ZFHX3: variants seen among roughly 807,000 people sequenced by gnomAD.
ZFHX3 encodes zinc finger homeobox protein 3.
ZFHX3 carries 42 observed loss-of-function variants against 279.1 expected under a neutral mutation model. That is an observed-to-expected ratio of 0.15 (90% confidence interval 0.12 to 0.19). ZFHX3 has a LOEUF of 0.19. Ranked by LOEUF, ZFHX3 falls within the 10% of genes least tolerant of loss-of-function variation. The probability of loss-of-function intolerance (pLI) is 1.00; values close to 1 mark genes in which losing one functional copy is unlikely to be tolerated. For synonymous variants in ZFHX3, 2,293 were observed against 1,957.8 expected, an observed-to-expected ratio of 1.17 and a Z score of -4.52; for missense variants, 4,981 against 4,754.0, an observed-to-expected ratio of 1.05 and a Z score of -1.40.
At chr16:73,387,500 GGTTTTTTT>G (rs935226614) in intron 3 of ZFHX3, among the ~76,000 whole-genome samples, 6 of 152,018 alleles carry the variant, frequency 3.9e-5, no homozygotes, top group East Asian at 1.9e-4. Context: ...TCTGTGGCAG[GGTTTTTTT>G]GTTTTTTTGT....
intron 4 of ZFHX3, among the ~76,000 whole-genome samples, chr16:73,316,142 A>T (rs1412281831): frequency 6.6e-6 from 1 of 152,214 alleles, no homozygotes; most frequent in African/African-American, 2.4e-5. Context: ...TTCTAGTCTA[A>T]CCCAAACCTC....
chr16:73,439,415 G>A (rs545011577), intron 3 of ZFHX3, among the ~76,000 whole-genome samples: 6 of 152,000 alleles, frequency 3.9e-5, no homozygotes, highest in African/African-American at 9.7e-5. Context: ...TGAAGTGCGC[G>A]TTTAGGAATC....
chr16:73,036,734 T>C lies in ZFHX3; in HGVS notation c.-50+11018A>G, dbSNP rs1311101042. ...GGTCGCTAGGAGAAACCAACTTTTC[T>C]CCTTGGGTTAATCAAAACCAAATTA... On this transcript the variant is annotated intron_variant, in intron 1 of 9. Coordinates refer to ENST00000268489, the MANE Select transcript of ZFHX3 (RefSeq NM_006885.4). Among the ~76,000 whole-genome samples the C allele has an allele frequency of 3.7e-4, 57 of 152,016 alleles. 1 individual carries two copies. Among genetic ancestry groups the C allele is most frequent in the Admixed American group, 3.7e-3 (57 of 15,262 alleles).
At position 72,945,306 on chromosome 16, in the gene ZFHX3, C is replaced by A. The variant is rs545327153; in HGVS notation, c.3216+5163G>T. 1.7e-4 allele frequency among the ~76,000 whole-genome samples: 26 copies of A among 152,308 alleles called. No homozygotes were observed. In the East Asian group the frequency reaches 4.8e-3, roughly 28 times the overall value. The stretch of plus-strand genomic sequence containing the variant: ...CTTGGTCCTAGCACAAGCCCTGCCC[C>A]CCAAACTATTTGGTCTTTCCATCTC... On this transcript the variant is annotated intron_variant, in intron 3 of 9. Transcript: ENST00000268489.
intron 3 of ZFHX3, among the ~76,000 whole-genome samples, chr16:72,935,603 T>C (rs1358051739): frequency 6.6e-6 from 1 of 151,862 alleles, no homozygotes; most frequent in East Asian, 1.9e-4. Context: ...TAGCTGGGCA[T>C]GGTGGCATGT....
At chr16:73,447,472 A>T (rs1195721560) in intron 3 of ZFHX3, among the ~76,000 whole-genome samples, 1 of 152,160 alleles carries the variant, frequency 6.6e-6, no homozygotes, top group Non-Finnish European at 1.5e-5. Flanking sequence ...GAGAAAAGCA[A>T]GCCAAGGGGT....
chr16:72,913,021 C>G (rs896651491), intron 3 of ZFHX3, among the ~76,000 whole-genome samples: 5 of 152,218 alleles, frequency 3.3e-5, no homozygotes, highest in Non-Finnish European at 5.9e-5. Flanking sequence ...CCACGCCCAG[C>G]CCTAATTAAA....
intron 1 of ZFHX3, among the ~76,000 whole-genome samples, chr16:73,769,873 C>G (rs1217986055): frequency 6.6e-6 from 1 of 152,162 alleles, no homozygotes; most frequent in Non-Finnish European, 1.5e-5. Flanking sequence ...ATAAACAGAA[C>G]TCTCTCCCCA....
chr16:73,752,900 A>G (rs2053773997), intron 1 of ZFHX3, among the ~76,000 whole-genome samples: 1 of 152,218 alleles, frequency 6.6e-6, no homozygotes, highest in Non-Finnish European at 1.5e-5. Context: ...GGTACCTCCA[A>G]TAAAACCAGG....
chr16:73,565,202 C>T (rs931800526), intron 2 of ZFHX3, among the ~76,000 whole-genome samples: 5 of 151,426 alleles, frequency 3.3e-5, no homozygotes, highest in East Asian at 3.9e-4. Context: ...TGCAGTGAGC[C>T]GAGATAGTGC....
chr16:73,633,489 AGT>A (rs2052496718), intron 2 of ZFHX3, among the ~76,000 whole-genome samples: 1 of 152,206 alleles, frequency 6.6e-6, no homozygotes, highest in Admixed American at 6.5e-5. Context: ...TTTGCAGGAA[AGT>A]GAGGGGGCAA....
At chr16:73,133,289 A>G (rs1966727969) in intron 6 of ZFHX3, among the ~76,000 whole-genome samples, 1 of 152,220 alleles carries the variant, frequency 6.6e-6, no homozygotes, top group Non-Finnish European at 1.5e-5. Flanking sequence ...TGGGAGGCTG[A>G]GGTGGGTGGA....
At chr16:73,108,900 C>T (rs1195737125) in intron 7 of ZFHX3, among the ~76,000 whole-genome samples, 2 of 152,248 alleles carry the variant, frequency 1.3e-5, no homozygotes, top group African/African-American at 4.8e-5. Flanking sequence ...GGGCTCTGGC[C>T]GTTATGGGGC....
chr16:73,070,932 GCGCGCGCACACA>G (rs1361987128), intron 8 of ZFHX3, among the ~76,000 whole-genome samples: 853 of 29,812 alleles, frequency 0.029, 9 homozygotes, highest in Middle Eastern at 0.06. Flanking sequence ...GCGCGCGCGC[GCGCGCGCACACA>G]CACACACACA....
intron 2 of ZFHX3, among the ~76,000 whole-genome samples, chr16:73,649,218 T>C (rs1382509514): frequency 2.0e-5 from 3 of 152,110 alleles, no homozygotes; most frequent in African/African-American, 7.2e-5. Context: ...TAGAAAATAG[T>C]GAGGAAAATA....
intron 5 of ZFHX3, among the ~76,000 whole-genome samples, chr16:73,180,734 C>A (rs958349442): frequency 6.6e-6 from 1 of 152,112 alleles, no homozygotes; most frequent in African/African-American, 2.4e-5. Context: ...GCTATCTCAG[C>A]TCACTGCAAC....
intron 5 of ZFHX3, among the ~76,000 whole-genome samples, chr16:73,205,426 C>T (rs2011761817): frequency 6.6e-6 from 1 of 151,990 alleles, no homozygotes; most frequent in Non-Finnish European, 1.5e-5. Flanking sequence ...GTATGATAGG[C>T]CAGTAAAACG....
chr16:73,761,784 A>G (rs1486443187), intron 1 of ZFHX3, among the ~76,000 whole-genome samples: 1 of 152,222 alleles, frequency 6.6e-6, no homozygotes, highest in African/African-American at 2.4e-5. Flanking sequence ...AGCCATATGC[A>G]GAAAATTGAA....
intron 2 of ZFHX3, among the ~76,000 whole-genome samples, chr16:72,952,396 G>A (rs551903224): frequency 3.3e-5 from 5 of 152,312 alleles, no homozygotes; most frequent in Non-Finnish European, 5.9e-5. Context: ...TGCCCTGGGT[G>A]ACATGTGGGG....
Sources: gnomAD v4.1 joint callset for allele counts (sites outside exome capture counted in the v4.1 genomes callset) on GRCh38, gnomAD v4.1.1 for gene constraint, MANE v1.5 for transcripts, NCBI Gene and HGNC (gene_info 2026-07-23, HGNC 2026-07-21) for gene names.